Variants in RAB12 observed in about 807,000 individuals in gnomAD.
The protein encoded by RAB12 is ras-related protein Rab-12.
A neutral mutation model predicts 28.4 loss-of-function variants in RAB12; 11 were observed. The observed-to-expected ratio is 0.39, with a 90% CI of 0.24 to 0.64. The LOEUF (loss-of-function observed/expected upper bound fraction) is 0.64, where lower values mean the gene tolerates loss of function less well. Ranked by LOEUF, RAB12 falls within the 30% of genes least tolerant of loss-of-function variation. The pLI is 0.50. For synonymous variants in RAB12, 138 were observed against 145.3 expected (o/e 0.95, Z 0.36); for missense variants, 276 against 351.1 (o/e 0.79, Z 1.71).
chr18:8,611,207 A>G (rs369442071), intron 1 of RAB12, among the ~76,000 whole-genome samples: 24 of 152,238 alleles, frequency 1.6e-4, no homozygotes, highest in African/African-American at 5.5e-4. Context: ...ACCTGTTTCA[A>G]ATATCCAGTC....
chr18:8,610,319 C>T (rs2096003064), intron 1 of RAB12, among the ~76,000 whole-genome samples: 1 of 152,232 alleles, frequency 6.6e-6, no homozygotes. Flanking sequence ...AGGCCGCTCT[C>T]GCCCGGCCCG....
In RAB12 at chr18:8,624,927, T is replaced by G; in HGVS notation, c.515-11T>G. On this transcript the variant is annotated splice_polypyrimidine_tract_variant and intron_variant, in intron 1 of 5. Transcript: ENST00000649141. ...TTGTTTTTGCTTCACATTTATTTGTTTTATTTACAGGTGTTGACTTCAAAA... is the reference window on the plus strand; with the variant it reads ...TTGTTTTTGCTTCACATTTATTTGTGTTATTTACAGGTGTTGACTTCAAAA... The G allele has an allele frequency of 6.6e-7, 1 of 1,523,568 alleles. No individual in the cohort carries two copies. The highest frequency in any genetic ancestry group is 1.7e-4 in the Middle Eastern group (1 of 5,778). The allele number at this position is 1,523,568 out of a possible 1,614,324, so 94.4% of individuals were successfully genotyped here. A position where few individuals can be genotyped will look rare whatever the true frequency, so the allele number is the denominator to read the frequency against.
chr18:8,627,727 A>G (rs1162937723), intron 2 of RAB12, among the ~76,000 whole-genome samples: 2 of 152,230 alleles, frequency 1.3e-5, no homozygotes, highest in Admixed American at 1.3e-4. Context: ...AGGCAAACAC[A>G]GAATTGAAAT....
In RAB12 at chr18:8,638,218, C is replaced by T. The variant is rs374700160; in HGVS notation, c.979C>T (p.Pro327Ser). The change falls in exon 6 of 6, where the codon CCG (proline) becomes TCG (serine). Residue 327 changes from proline to serine, a missense_variant. By Grantham distance (74) the Pro-to-Ser change is moderately conservative. Around this residue, in one of 4 missense-constraint regions of RAB12, gnomAD observed 127 missense variants for 161.4 expected, o/e 0.79. Transcript: ENST00000649141. ...ILSLQPEPEIPPELPPPRPHV... is the reference protein window; with the variant it reads ...ILSLQPEPEISPELPPPRPHV... ...GTCGTTACAACCAGAGCCTGAGATA[C>T]CGCCAGAACTGCCTCCACCAAGACC... 4.1e-5 allele frequency: 66 copies of T among 1,613,654 alleles called. No homozygotes were observed. The highest frequency in any genetic ancestry group is 5.2e-5 in the Non-Finnish European group (61 of 1,179,882).
At position 8,609,738 on chromosome 18, in the gene RAB12, G is replaced by T; in HGVS notation, c.299G>T (p.Gly100Val). Reference protein sequence around the residue: ...EREPHACMDPGAALQRRAGGG... With the variant: ...EREPHACMDPVAALQRRAGGG... ...GAGCCGCATGCGTGTATGGATCCGG[G>T]CGCCGCGCTGCAGAGGCGGGCCGGG... Residue 100 changes from glycine to valine, a missense_variant, in exon 1 of 6, where the codon GGC (glycine) becomes GTC (valine). Gly to Val is a moderately radical substitution (Grantham distance 109). Transcript: ENST00000649141. 1 of 1,179,674 alleles carries T rather than the reference G, an allele frequency of 8.5e-7. No homozygotes were observed. The highest frequency in any genetic ancestry group is 1.0e-6 in the Non-Finnish European group (1 of 954,120). 73.1% of individuals were successfully genotyped at this position (1,179,674 alleles called of 1,614,324 possible). A position where few individuals can be genotyped will look rare whatever the true frequency, so the allele number is the denominator to read the frequency against.
intron 1 of RAB12, among the ~76,000 whole-genome samples, chr18:8,618,281 A>G (rs905097704): frequency 1.3e-5 from 2 of 152,166 alleles, no homozygotes; most frequent in African/African-American, 4.8e-5. Flanking sequence ...TTGTACCTGG[A>G]TGCAATTTGA....
At chr18:8,613,866 A>G (rs914693873) in intron 1 of RAB12, among the ~76,000 whole-genome samples, 7 of 149,408 alleles carry the variant, frequency 4.7e-5, no homozygotes, top group Non-Finnish European at 1.0e-4. Context: ...TAGTAGTAGT[A>G]GTGGTCACTG....
At chr18:8,630,937 G>A (rs911932591) in intron 2 of RAB12, among the ~76,000 whole-genome samples, 3 of 152,242 alleles carry the variant, frequency 2.0e-5, no homozygotes, top group Admixed American at 6.5e-5. Flanking sequence ...CCCCTAGGCT[G>A]CAGTGCAGTG....
At chr18:8,637,098 T>TC (rs1281030882) in intron 5 of RAB12, among the ~76,000 whole-genome samples, 1 of 151,980 alleles carries the variant, frequency 6.6e-6, no homozygotes, top group Non-Finnish European at 1.5e-5. Context: ...GCCCCATCTC[T>TC]ACAAAAAAAA....
At chr18:8,610,748 G>C (rs139072398) in intron 1 of RAB12, among the ~76,000 whole-genome samples, 95 of 152,300 alleles carry the variant, frequency 6.2e-4, no homozygotes, top group African/African-American at 2.1e-3. Context: ...TGTTTCTATG[G>C]AAAACCCCTT....
chr18:8,618,132 C>T (rs747463299), intron 1 of RAB12, among the ~76,000 whole-genome samples: 24 of 152,126 alleles, frequency 1.6e-4, no homozygotes, highest in Non-Finnish European at 2.6e-4. Context: ...CTGTCCTCCC[C>T]TCCCTGATGC....
rs548944947 is a variant in RAB12, at chr18:8,616,726, G to A, written c.514+6773G>A. ...TTTTACTTAAAAAGAAAAAAGAGCA[G>A]CCTGGGCTACATGGCGAAACCCCAT... is the stretch of plus-strand genomic sequence containing the variant. On this transcript the variant is annotated intron_variant, in intron 1 of 5. Transcript: ENST00000649141. 2.0e-5 allele frequency among the ~76,000 whole-genome samples: 3 copies of A among 150,224 alleles called. No individual in the cohort carries two copies. The East Asian group carries it at 5.8e-4, about 29-fold the overall frequency.
chr18:8,624,252 C>T (rs2096011480), intron 1 of RAB12, among the ~76,000 whole-genome samples: 1 of 152,152 alleles, frequency 6.6e-6, no homozygotes, highest in Non-Finnish European at 1.5e-5. Flanking sequence ...AACTGGAAGG[C>T]ATATAAGGTA....
intron 1 of RAB12, among the ~76,000 whole-genome samples, chr18:8,611,370 A>G (rs1212631787): frequency 6.6e-6 from 1 of 152,148 alleles, no homozygotes; most frequent in Non-Finnish European, 1.5e-5. Flanking sequence ...ATGAGAGATA[A>G]TAGAGTTGCA....
At chr18:8,611,239 G>C (rs2096003617) in intron 1 of RAB12, among the ~76,000 whole-genome samples, 1 of 152,168 alleles carries the variant, frequency 6.6e-6, no homozygotes, top group African/African-American at 2.4e-5. Flanking sequence ...AGAGTACAGG[G>C]AGTTGTTAAA....
chr18:8,617,526 C>T (rs574559468), intron 1 of RAB12, among the ~76,000 whole-genome samples: 3 of 151,872 alleles, frequency 2.0e-5, no homozygotes, highest in Non-Finnish European at 2.9e-5. Context: ...AACATGGTAG[C>T]ATTTCAGATG....
chr18:8,635,590 G>A lies in RAB12; in HGVS notation c.772G>A (p.Asp258Asn), dbSNP rs759102562. 3.9e-5 allele frequency: 63 copies of A among 1,612,814 alleles called. No homozygotes were observed. Among genetic ancestry groups the A allele is most frequent in the Non-Finnish European group, 4.8e-5 (57 of 1,179,540 alleles). The change falls in exon 4 of 6, where the codon GAC becomes AAC. Residue 258 changes from aspartate (D) to asparagine (N), a missense_variant. By Grantham distance (23) the Asp-to-Asn change is conservative (BLOSUM62 1). Transcript: ENST00000649141. ...LVGNKLDCET[D>N]REITRQQGEK... ...TGGAAATAAGTTGGACTGTGAAACG[G>A]ACAGAGAAATCACCAGGCAGCAGGG...
chr18:8,633,303 G>A lies in RAB12; in HGVS notation c.690G>A (p.Pro230=), dbSNP rs764295987. 8.7e-6 allele frequency: 14 copies of A among 1,613,876 alleles called. No individual in the cohort carries two copies. Among genetic ancestry groups the A allele is most frequent in the African/African-American group, 2.7e-5 (2 of 74,902 alleles). ...AGAAGGAGACATTTGATGATTTGCC[G>A]AAATGGATGAAGATGATTGATAAGG... ...ITKKETFDDL[P]KWMKMIDKYA... The change falls in exon 3 of 6, where the codon CCG becomes CCA. Residue 230 remains proline, a synonymous_variant. Coordinates refer to ENST00000649141, the MANE Select transcript of RAB12 (RefSeq NM_001025300.3).
intron 1 of RAB12, among the ~76,000 whole-genome samples, chr18:8,619,598 G>A (rs1005313904): frequency 1.3e-5 from 2 of 152,114 alleles, no homozygotes; most frequent in Admixed American, 6.5e-5. Flanking sequence ...TCACCCATCT[G>A]ACTTTTATTA....
Sources: gnomAD v4.1 joint callset for allele counts (sites outside exome capture counted in the v4.1 genomes callset) on GRCh38, gnomAD v4.1.1 for gene constraint, gnomAD v4.1.1 regional missense constraint, MANE v1.5 for transcripts, NCBI Gene and HGNC (gene_info 2026-07-23, HGNC 2026-07-21) for gene names.